The following PTPRD variants were observed in gnomAD, a reference collection of about 807,000 sequenced individuals.
PTPRD encodes receptor-type tyrosine-protein phosphatase delta.
PTPRD carries 34 observed loss-of-function variants against 214.5 expected under a neutral mutation model. That is an observed-to-expected ratio of 0.16 (90% CI 0.12 to 0.21). PTPRD has a LOEUF of 0.21. PTPRD is among the 10% of genes least tolerant of loss of function. The probability of loss-of-function intolerance (pLI) is 1.00; values close to 1 mark genes in which losing one functional copy is unlikely to be tolerated. For missense variants in PTPRD, 2,545 were observed against 2,398.7 expected (o/e 1.06, Z -1.27); for synonymous variants, 1,128 against 845.7 (o/e 1.33, Z -5.79).
chr9:8,764,805 AATG>A (rs1565887637), intron 11 of PTPRD, among the ~76,000 whole-genome samples: 1 of 100,802 alleles, frequency 9.9e-6, no homozygotes. Flanking sequence ...TAATAATAAT[AATG>A]ATAATAATAA....
chr9:10,057,707 G>A (rs2097682370), intron 3 of PTPRD, among the ~76,000 whole-genome samples: 1 of 151,942 alleles, frequency 6.6e-6, no homozygotes, highest in African/African-American at 2.4e-5. Flanking sequence ...AGCTGGGCGT[G>A]GTGCACGTGT....
intron 10 of PTPRD, among the ~76,000 whole-genome samples, chr9:9,047,104 T>C (rs1020465515): frequency 6.6e-6 from 1 of 152,170 alleles, no homozygotes; most frequent in Non-Finnish European, 1.5e-5. Flanking sequence ...CGGTAGCATT[T>C]CTTTATGCCA....
chr9:9,248,976 G>C (rs1331652889), intron 9 of PTPRD, among the ~76,000 whole-genome samples: 1 of 151,978 alleles, frequency 6.6e-6, no homozygotes, highest in Non-Finnish European at 1.5e-5. Flanking sequence ...TTTTGAACGG[G>C]AGTCATAAAG....
intron 14 of PTPRD, among the ~76,000 whole-genome samples, chr9:8,572,042 C>G (rs1017359953): frequency 6.6e-6 from 1 of 152,042 alleles, no homozygotes; most frequent in Non-Finnish European, 1.5e-5. Flanking sequence ...AATGTGGCAA[C>G]TCTGTTTGAC....
intron 7 of PTPRD, among the ~76,000 whole-genome samples, chr9:9,637,404 A>G (rs1465155751): frequency 6.6e-6 from 1 of 152,246 alleles, no homozygotes; most frequent in Non-Finnish European, 1.5e-5. Flanking sequence ...CAAGCATAGA[A>G]TATACATTCC....
intron 3 of PTPRD, among the ~76,000 whole-genome samples, chr9:10,261,921 G>A (rs556514660): frequency 1.3e-5 from 2 of 152,024 alleles, no homozygotes; most frequent in Non-Finnish European, 2.9e-5. Context: ...CAGTAAATTT[G>A]GCAGCCACTC....
chr9:9,654,196 GA>G, intron 7 of PTPRD, among the ~76,000 whole-genome samples: 1 of 152,190 alleles, frequency 6.6e-6, no homozygotes, highest in African/African-American at 2.4e-5. Context: ...AGCACTGAAA[GA>G]CTTTTTAATA....
intron 2 of PTPRD, among the ~76,000 whole-genome samples, chr9:10,571,711 C>T (rs567276485): frequency 4.0e-4 from 61 of 152,212 alleles, no homozygotes; most frequent in South Asian, 3.7e-3. Context: ...ACAGTTTTTC[C>T]GGGACTGGGG....
chr9:8,759,611 ATTTCTTT>A (rs1334357230), intron 11 of PTPRD, among the ~76,000 whole-genome samples: 65 of 110,468 alleles, frequency 5.9e-4, no homozygotes, highest in African/African-American at 1.7e-3. Context: ...TTCCTGTTAC[ATTTCTTT>A]TTTTTTTTTT....
At chr9:9,070,850 G>A (rs940640983) in intron 10 of PTPRD, among the ~76,000 whole-genome samples, 7 of 152,142 alleles carry the variant, frequency 4.6e-5, no homozygotes, top group African/African-American at 1.7e-4. Context: ...GGCAGTCAAG[G>A]CTAGAATCCA....
chr9:9,211,628 G>A (rs138799709), intron 9 of PTPRD, among the ~76,000 whole-genome samples: 3 of 151,420 alleles, frequency 2.0e-5, no homozygotes, highest in African/African-American at 7.3e-5. Flanking sequence ...CAAAATATTT[G>A]ACATATACCA....
chr9:8,478,169 G>T (rs2135425588), intron 30 of PTPRD, among the ~76,000 whole-genome samples: 1 of 152,270 alleles, frequency 6.6e-6, no homozygotes, highest in East Asian at 1.9e-4. Flanking sequence ...ACCTCACAGG[G>T]TTATTGTGAG....
chr9:9,088,438 G>T (rs554163779), intron 10 of PTPRD, among the ~76,000 whole-genome samples: 1 of 151,258 alleles, frequency 6.6e-6, no homozygotes, highest in South Asian at 2.1e-4. Flanking sequence ...AAATTAGCTG[G>T]GCATGGTGGC....
At chr9:8,609,446 C>T (rs141307886) in intron 14 of PTPRD, among the ~76,000 whole-genome samples, 1 of 152,136 alleles carries the variant, frequency 6.6e-6, no homozygotes, top group Non-Finnish European at 1.5e-5. Flanking sequence ...AAGCATTGCC[C>T]TTATGATAGA....
rs140226854 is a variant in PTPRD at position 9,280,809 on chromosome 9, C to T, written c.-202-97446G>A. Among the ~76,000 whole-genome samples, 23 of 151,016 alleles carry T rather than the reference C, an allele frequency of 1.5e-4. No homozygotes were observed. The East Asian group carries it at 4.3e-3, about 29-fold the overall frequency. On this transcript the variant is annotated intron_variant, in intron 9 of 45. Coordinates refer to ENST00000381196, the MANE Select transcript of PTPRD (RefSeq NM_002839.4). ...AAGTTTATATGAAGTGGCAAAAGAC[C>T]CAGAATAGTCAACACAATATTGAAG...
At chr9:10,373,318 T>C (rs1452576165) in intron 2 of PTPRD, among the ~76,000 whole-genome samples, 2 of 152,114 alleles carry the variant, frequency 1.3e-5, no homozygotes, top group Non-Finnish European at 2.9e-5. Context: ...GAATTTAGCC[T>C]CTACTGAAAA....
intron 39 of PTPRD, among the ~76,000 whole-genome samples, chr9:8,345,797 C>T (rs183751941): frequency 6.6e-6 from 1 of 152,152 alleles, no homozygotes; most frequent in Non-Finnish European, 1.5e-5. Flanking sequence ...TCAGACTGTG[C>T]CTCAGTATGT....
chr9:9,121,151 T>C (rs1808958068), intron 10 of PTPRD, among the ~76,000 whole-genome samples: 1 of 152,200 alleles, frequency 6.6e-6, no homozygotes, highest in Non-Finnish European at 1.5e-5. Flanking sequence ...AAACATGGCA[T>C]AGATGCTGTC....
At chr9:9,969,537 A>G (rs1340577779) in intron 4 of PTPRD, among the ~76,000 whole-genome samples, 2 of 152,222 alleles carry the variant, frequency 1.3e-5, no homozygotes, top group Non-Finnish European at 2.9e-5. Context: ...AAAAAGATTT[A>G]AGGAGTCACT....
Sources: gnomAD v4.1 joint callset for allele counts (sites outside exome capture counted in the v4.1 genomes callset) on GRCh38, gnomAD v4.1.1 for gene constraint, MANE v1.5 for transcripts, NCBI Gene and HGNC (gene_info 2026-07-23, HGNC 2026-07-21) for gene names.